HMGB1: variants seen among roughly 807,000 people sequenced by gnomAD.
The protein encoded by HMGB1 is high mobility group box 1.
For missense variants in HMGB1, 79 were observed against 253.5 expected, an observed-to-expected ratio of 0.31 and a Z score of 4.67; for synonymous variants, 81 against 84.0, an observed-to-expected ratio of 0.96 and a Z score of 0.19.
At chr13:30,525,641 T>A (rs1888344964) in intron 1 of HMGB1, among the ~76,000 whole-genome samples, 1 of 152,176 alleles carries the variant, frequency 6.6e-6, no homozygotes, top group Non-Finnish European at 1.5e-5. Context: ...AACTAATACT[T>A]TGTTGAAAAT....
intron 1 of HMGB1, among the ~76,000 whole-genome samples, chr13:30,555,806 G>A (rs1289215873): frequency 2.0e-5 from 3 of 152,058 alleles, no homozygotes; most frequent in African/African-American, 7.2e-5. Flanking sequence ...TCAAAGCTTT[G>A]GGACCTCAAA....
intron 1 of HMGB1, among the ~76,000 whole-genome samples, chr13:30,515,209 C>G (rs1307208124): frequency 6.6e-6 from 1 of 152,188 alleles, no homozygotes; most frequent in Non-Finnish European, 1.5e-5. Flanking sequence ...TACTATGGAT[C>G]AGCAAGAAAG....
chr13:30,533,857 A>G (rs1437521132), intron 1 of HMGB1, among the ~76,000 whole-genome samples: 1 of 150,026 alleles, frequency 6.7e-6, no homozygotes, highest in Admixed American at 6.7e-5. Flanking sequence ...AAATCCTGGT[A>G]AAGACTATCT....
rs141920162 is a variant in HMGB1 at position 30,474,942 on chromosome 13, T to G, written c.-14-11248A>C. On this transcript the variant is annotated intron_variant, in intron 1 of 4. Transcript: ENST00000405805. ...TTGGCTCACTCTCTTTCTCTTTTTT[T>G]TTTCTTTTCTTTTTTTGTTTTTTTT... 8.5e-3 allele frequency among the ~76,000 whole-genome samples: 1,111 copies of G among 131,008 alleles called. 27 individuals carry two copies. The highest frequency in any genetic ancestry group is 0.029 in the African/African-American group (1,044 of 35,484). 85.9% of individuals were successfully genotyped at this position (131,008 alleles called of 152,430 possible). A position where few individuals can be genotyped will look rare whatever the true frequency, so the allele number is the denominator to read the frequency against.
Position 30,607,771 on chromosome 13 carries a change from G to A in HMGB1, c.-15+8900C>T, listed in dbSNP as rs142527275. Among the ~76,000 whole-genome samples, 849 of 152,052 alleles carry A rather than the reference G, an allele frequency of 5.6e-3. 2 individuals are homozygous for A. The highest frequency in any genetic ancestry group is 0.017 in the Middle Eastern group (5 of 294). On this transcript the variant is annotated intron_variant, in intron 1 of 4. Coordinates refer to the HMGB1 transcript ENST00000405805. ...GCTGGTAGTAGAGAATCATCCTCTG[G>A]ACATATTCTCACAGCCTAATCTCTA...
At chr13:30,463,842 C>T in intron 1 of HMGB1, 148 bp from the exon 2 acceptor site, 1 of 581,922 alleles carries the variant, frequency 1.7e-6, no homozygotes, top group Admixed American at 3.4e-5. Flanking sequence ...AGAATATGGC[C>T]GAGAGATTAA....
At position 30,538,787 on chromosome 13, in the gene HMGB1, T is replaced by TTCTTCC. The variant is rs1555238949; in HGVS notation, c.-14-75094_-14-75093insGGAAGA. Among the ~76,000 whole-genome samples the TTCTTCC allele has an allele frequency of 1.5e-4, 21 of 135,770 alleles. No individual in the cohort carries two copies. In the East Asian group the frequency reaches 2.1e-3, roughly 14 times the overall value. The allele number at this position is 135,770 out of a possible 152,430, so 89.1% of individuals were successfully genotyped here. A position where few individuals can be genotyped will look rare whatever the true frequency, so the allele number is the denominator to read the frequency against. ...TTTCTCTCTCTCTTTCCTTCTTTCTTTTTCTTTCTTCCTTTCTCTCTCTCT... is the reference window on the plus strand; with the variant it reads ...TTTCTCTCTCTCTTTCCTTCTTTCTTTCTTCCTTTCTTTCTTCCTTTCTCTCTCTCT... On this transcript the variant is annotated intron_variant, in intron 1 of 4. Coordinates refer to the HMGB1 transcript ENST00000405805.
chr13:30,527,477 G>C (rs551061028), intron 1 of HMGB1, among the ~76,000 whole-genome samples: 36 of 151,970 alleles, frequency 2.4e-4, no homozygotes, highest in African/African-American at 8.7e-4. Flanking sequence ...AGTGGCTGGG[G>C]ACTTGCTTCT....
chr13:30,516,470 C>T (rs1160782977), intron 1 of HMGB1, among the ~76,000 whole-genome samples: 3 of 152,170 alleles, frequency 2.0e-5, no homozygotes, highest in Non-Finnish European at 2.9e-5. Context: ...ATAGTTTCAG[C>T]CATACCATAT....
chr13:30,528,412 G>C (rs1888417952), intron 1 of HMGB1, among the ~76,000 whole-genome samples: 1 of 152,112 alleles, frequency 6.6e-6, no homozygotes, highest in Non-Finnish European at 1.5e-5. Context: ...CTACTGTGGT[G>C]GGGGGAGGGT....
Position 30,571,312 on chromosome 13 carries a change from C to T in HMGB1, c.-15+45359G>A, listed in dbSNP as rs531451028. ...AAATGGTTTTTTTTTTTTTTTTTTC[C>T]GAGATGGAGTCTCGCTCTCTCGCCC... On this transcript the variant is annotated intron_variant, in intron 1 of 4. Coordinates refer to the HMGB1 transcript ENST00000405805. 5.6e-5 allele frequency among the ~76,000 whole-genome samples: 8 copies of T among 143,722 alleles called. No individual in the cohort carries two copies. The East Asian group carries it at 1.4e-3, about 25-fold the overall frequency. The allele number at this position is 143,722 out of a possible 152,430, so 94.3% of individuals were successfully genotyped here. A position where few individuals can be genotyped will look rare whatever the true frequency, so the allele number is the denominator to read the frequency against.
chr13:30,456,773 T>TGTG lies in HMGB1; in HGVS notation c.*4583_*4584insCAC, dbSNP rs1886008089. 1 of 17,826 alleles carries TGTG rather than the reference T, an allele frequency of 5.6e-5. No individual in the cohort carries two copies. The highest frequency in any genetic ancestry group is 1.0e-4 in the Non-Finnish European group (1 of 9,762). 1.1% of individuals were successfully genotyped at this position (17,826 alleles called of 1,614,324 possible). A position where few individuals can be genotyped will look rare whatever the true frequency, so the allele number is the denominator to read the frequency against. ...AGCTTTTGTGGGCGGGGGGGGGGGG[T>TGTG]GGTGGGGTGCAATTTATCAACATCT... On this transcript the variant is annotated 3_prime_UTR_variant, in exon 5 of 5. Coordinates refer to ENST00000341423, the MANE Select transcript of HMGB1 (RefSeq NM_002128.7).
At chr13:30,478,499 A>G (rs2137428405) in intron 1 of HMGB1, among the ~76,000 whole-genome samples, 1 of 152,352 alleles carries the variant, frequency 6.6e-6, no homozygotes, top group African/African-American at 2.4e-5. Flanking sequence ...ATTCTTATGA[A>G]TACTAAACTG....
intron 1 of HMGB1, among the ~76,000 whole-genome samples, chr13:30,571,326 G>A (rs1396356301): frequency 1.4e-5 from 2 of 142,138 alleles, no homozygotes; most frequent in Non-Finnish European, 3.0e-5. Flanking sequence ...ATGGAGTCTC[G>A]CTCTCTCGCC....
In HMGB1 at chr13:30,559,907, C is replaced by CA. The variant is rs1239655213; in HGVS notation, c.-15+56763dup. Among the ~76,000 whole-genome samples the CA allele has an allele frequency of 3.9e-5, 6 of 152,092 alleles. No individual in the cohort carries two copies. The highest frequency in any genetic ancestry group is 1.9e-4 in the East Asian group (1 of 5,202). ...TTCATTCACCAAAATCTCATATTCC[C>CA]AAAAAGCAGGAAAGGTAGTACAGTG... On this transcript the variant is annotated intron_variant, in intron 1 of 4. Coordinates refer to the HMGB1 transcript ENST00000405805. The surrounding 1 kb of genome is among the most constrained non-coding windows in gnomAD (Gnocchi z 6.6).
chr13:30,598,866 G>A (rs943530953), intron 1 of HMGB1, among the ~76,000 whole-genome samples: 1 of 151,834 alleles, frequency 6.6e-6, no homozygotes, highest in Non-Finnish European at 1.5e-5. Context: ...TTATGTTTGT[G>A]TGTAGATCTT....
intron 1 of HMGB1, among the ~76,000 whole-genome samples, chr13:30,547,679 G>A (rs1869225379): frequency 6.6e-6 from 1 of 152,050 alleles, no homozygotes; most frequent in African/African-American, 2.4e-5. Flanking sequence ...CACTTTGGGA[G>A]GCCAAGGCTG....
At position 30,616,036 on chromosome 13, in the gene HMGB1, T is replaced by C. The variant is rs114562241; in HGVS notation, c.-15+635A>G. The stretch of plus-strand genomic sequence containing the variant: ...GATATGTAGAAAAAAGCATTTCAAA[T>C]ATATAGGAATAACCAGAAATGTATA... On this transcript the variant is annotated intron_variant, in intron 1 of 4. Transcript: ENST00000405805. 4.8e-3 allele frequency among the ~76,000 whole-genome samples: 728 copies of C among 152,316 alleles called. 11 individuals carry two copies. The highest frequency in any genetic ancestry group is 0.017 in the African/African-American group (705 of 41,558).
chr13:30,554,362 T>A, intron 1 of HMGB1: 1 of 848,762 alleles, frequency 1.2e-6, no homozygotes, highest in Non-Finnish European at 2.1e-6. Context: ...TGGTAGACGC[T>A]TGTCTTGTTT....
Sources: allele counts gnomAD v4.1 joint callset (sites outside exome capture counted in the v4.1 genomes callset), GRCh38; gene constraint gnomAD v4.1.1; non-coding constraint Gnocchi (gnomAD v3.1); transcripts MANE v1.5; gene names NCBI Gene and HGNC (gene_info 2026-07-23, HGNC 2026-07-21).